SLC4A7: variants seen among roughly 807,000 people sequenced by gnomAD.
The protein encoded by SLC4A7 is sodium bicarbonate cotransporter 3.
Under a neutral mutation model 137.6 loss-of-function variants are expected in SLC4A7, and 51 were observed. The ratio of observed to expected loss-of-function variants is 0.37; its 90% CI spans 0.30 to 0.47. The LOEUF is 0.47. Ranked by LOEUF, SLC4A7 falls within the 20% of genes least tolerant of loss-of-function variation. SLC4A7 has a pLI of 1.00. For missense variants in SLC4A7, 1,247 were observed against 1,525.4 expected, an observed-to-expected ratio of 0.82 and a Z score of 3.04; for synonymous variants, 542 against 518.6, an observed-to-expected ratio of 1.05 and a Z score of -0.61.
Position 27,379,259 on chromosome 3 carries a change from A to G in SLC4A7, c.3688T>C (p.Ser1230Pro). The G allele has an allele frequency of 1.3e-6, 2 of 1,527,110 alleles. No homozygotes were observed. 94.6% of individuals were successfully genotyped at this position (1,527,110 alleles called of 1,614,324 possible). The change falls in exon 25 of 26, where the codon TCT (serine) becomes CCT (proline). Residue 1230 changes from serine (S) to proline (P), a missense_variant. Physicochemically the swap from Ser to Pro is moderately conservative, Grantham distance 74. This residue lies in a region of SLC4A7 where 290 missense variants were observed against 323.8 expected (regional missense o/e 0.90). Coordinates refer to ENST00000454389, the MANE Select transcript of SLC4A7 (RefSeq NM_001321103.2). ...AATAGTTATAACTACCTCATGTTAG[A>G]TCTGGTTACTTTGGCATTCTCAGTA... ...MNTENAKVTRSNMSPDKPVSV... is the reference protein window; with the variant it reads ...MNTENAKVTRPNMSPDKPVSV...
At chr3:27,436,766 T>A (rs1327638840) in intron 4 of SLC4A7, among the ~76,000 whole-genome samples, 6 of 152,140 alleles carry the variant, frequency 3.9e-5, no homozygotes, top group Non-Finnish European at 8.8e-5. Context: ...ATCATAATAA[T>A]AAGCCTACAA....
Position 27,436,401 on chromosome 3 carries a change from T to C in SLC4A7, c.576A>G (p.Leu192=). The change falls in exon 5 of 26, where the codon CTA becomes CTG. Residue 192 remains leucine, a synonymous_variant. Coordinates refer to ENST00000454389, the MANE Select transcript of SLC4A7 (RefSeq NM_001321103.2). ...TVMLDMRAST[L]DEIADMVLDN... ...GTTTACTATAACCTGCTATTTCATC[T>C]AGAGTGCTTGCTCTCATATCCAGCA... 1 of 1,611,292 alleles carries C rather than the reference T, an allele frequency of 6.2e-7. No homozygotes were observed. The highest frequency in any genetic ancestry group is 1.1e-5 in the South Asian group (1 of 90,352).
rs761973870 is a variant in SLC4A7, at chr3:27,436,434, T to C, written c.543A>G (p.Gly181=). 1.9e-6 allele frequency: 3 copies of C among 1,613,866 alleles called. No homozygotes were observed. The Admixed American group carries it at 5.0e-5, about 27-fold the overall frequency. ...TTGCTCTCATATCCAGCATGACTGT[T>C]CCATTGAGGATGCAACTCCTTAGTT... ...LFELRSCILN[G]TVMLDMRAST... is the part of the protein sequence containing the mutation. The change falls in exon 5 of 26, where the codon GGA becomes GGG. Residue 181 remains glycine, a synonymous_variant. Transcript: ENST00000454389.
At chr3:27,443,161 G>C (rs1478428363) in intron 3 of SLC4A7, among the ~76,000 whole-genome samples, 1 of 150,606 alleles carries the variant, frequency 6.6e-6, no homozygotes, top group Admixed American at 6.7e-5. Context: ...CCTCTGGGTA[G>C]CTGGGACTAC....
intron 7 of SLC4A7, among the ~76,000 whole-genome samples, chr3:27,425,805 T>C (rs752994911): frequency 4.0e-5 from 6 of 151,044 alleles, no homozygotes; most frequent in Non-Finnish European, 7.4e-5. Context: ...TTTCAAAACA[T>C]CCAAGGTTTT....
intron 13 of SLC4A7, among the ~76,000 whole-genome samples, chr3:27,406,455 T>C (rs953772130): frequency 1.3e-5 from 2 of 152,204 alleles, no homozygotes; most frequent in Admixed American, 1.3e-4. Flanking sequence ...AATTTATCTT[T>C]TGGCAGCATA....
intron 1 of SLC4A7, among the ~76,000 whole-genome samples, chr3:27,470,702 G>A (rs1343009540): frequency 6.7e-6 from 1 of 150,210 alleles, no homozygotes; most frequent in Non-Finnish European, 1.5e-5. Flanking sequence ...CAGCACTCTG[G>A]GAGGCCGAGG....
chr3:27,423,378 G>T (rs2150314662), intron 8 of SLC4A7, among the ~76,000 whole-genome samples: 1 of 152,180 alleles, frequency 6.6e-6, no homozygotes, highest in Non-Finnish European at 1.5e-5. Context: ...AGAATCAATT[G>T]TTCATAAGAA....
chr3:27,397,821 T>C lies in SLC4A7; in HGVS notation c.2590-24A>G, dbSNP rs372861247. ...ACCTATGTTAAAGGGATTATGTTAA[T>C]ATAAACACAGAAATACTATGTGTTC... On this transcript the variant is annotated intron_variant, in intron 17 of 25. Transcript: ENST00000454389. The C allele has an allele frequency of 4.1e-5, 53 of 1,279,384 alleles. No homozygotes were observed. In the African/African-American group the frequency reaches 6.1e-4, roughly 15 times the overall value. The allele number at this position is 1,279,384 out of a possible 1,614,324, so 79.3% of individuals were successfully genotyped here.
At chr3:27,398,075 A>T in intron 17 of SLC4A7, 117 bp downstream of exon 17, 1 of 716,284 alleles carries the variant, frequency 1.4e-6, no homozygotes, top group Non-Finnish European at 2.3e-6. Flanking sequence ...TTTCTTTATT[A>T]ACCAGTTGGC....
Position 27,466,448 on chromosome 3 carries a change from T to C in SLC4A7, c.61-13950A>G, listed in dbSNP as rs551732942. ...ACCTGGGCGACAGCGAGACTCCGTCTCAAAAAAAAAAAAGAAAAAGAAAAG... is the reference window on the plus strand; with the variant it reads ...ACCTGGGCGACAGCGAGACTCCGTCCCAAAAAAAAAAAAGAAAAAGAAAAG... On this transcript the variant is annotated intron_variant, in intron 1 of 25. Transcript: ENST00000454389. Among the ~76,000 whole-genome samples the C allele has an allele frequency of 2.4e-3, 281 of 117,274 alleles. 1 individual carries two copies. Among genetic ancestry groups the C allele is most frequent in the African/African-American group, 8.7e-3 (267 of 30,814 alleles). 76.9% of individuals were successfully genotyped at this position (117,274 alleles called of 152,430 possible). A position where few individuals can be genotyped will look rare whatever the true frequency, so the allele number is the denominator to read the frequency against.
At chr3:27,415,701 A>C (rs1365566303) in intron 11 of SLC4A7, among the ~76,000 whole-genome samples, 1 of 152,172 alleles carries the variant, frequency 6.6e-6, no homozygotes, top group African/African-American at 2.4e-5. Context: ...GCTGGCACTA[A>C]ATTATCCGAT....
intron 1 of SLC4A7, among the ~76,000 whole-genome samples, chr3:27,457,269 T>G (rs901548297): frequency 6.6e-6 from 1 of 152,146 alleles, no homozygotes; most frequent in Non-Finnish European, 1.5e-5. Context: ...AGCCATTACA[T>G]GTTAATATAC....
intron 18 of SLC4A7, among the ~76,000 whole-genome samples, chr3:27,396,082 C>A (rs997850388): frequency 2.6e-5 from 4 of 152,074 alleles, no homozygotes; most frequent in Middle Eastern, 3.2e-3. Context: ...ATATAGAAAC[C>A]TAAACATATG....
At chr3:27,480,570 A>C (rs999744479) in intron 1 of SLC4A7, among the ~76,000 whole-genome samples, 3 of 151,916 alleles carry the variant, frequency 2.0e-5, no homozygotes, top group Non-Finnish European at 2.9e-5. Flanking sequence ...CTTTATTACA[A>C]CTCCATGGAT....
At chr3:27,472,030 C>T (rs2059268179) in intron 1 of SLC4A7, among the ~76,000 whole-genome samples, 1 of 152,120 alleles carries the variant, frequency 6.6e-6, no homozygotes, top group Non-Finnish European at 1.5e-5. Flanking sequence ...AGGCAGCCAT[C>T]CCCCATCATC....
intron 3 of SLC4A7, among the ~76,000 whole-genome samples, chr3:27,445,736 A>G (rs9871916): frequency 0.93 from 127,400 of 137,440 alleles, 59,190 homozygotes; most frequent in East Asian, 1. Flanking sequence ...TGGCCAACAT[A>G]CTGAAATCCT....
intron 6 of SLC4A7, among the ~76,000 whole-genome samples, chr3:27,433,563 A>G (rs2056489997): frequency 6.6e-6 from 1 of 152,192 alleles, no homozygotes; most frequent in South Asian, 2.1e-4. Context: ...AAAGCCTTTC[A>G]CAAGTTGTAC....
chr3:27,418,397 T>C, intron 11 of SLC4A7, 89 bp downstream of exon 11: 1 of 1,017,452 alleles, frequency 9.8e-7, no homozygotes, highest in Non-Finnish European at 1.5e-6. Context: ...GGGATAAAAC[T>C]TCTCTGTTTT....
Sources: gnomAD v4.1 joint callset for allele counts (sites outside exome capture counted in the v4.1 genomes callset) on GRCh38, gnomAD v4.1.1 for gene constraint, gnomAD v4.1.1 regional missense constraint, MANE v1.5 for transcripts, NCBI Gene and HGNC (gene_info 2026-07-23, HGNC 2026-07-21) for gene names.